The following DRC4 variants were observed in gnomAD, a reference collection of about 807,000 sequenced individuals.
The protein encoded by DRC4 is GAS-11.
the DRC4 span, chr16:90,037,369 A>C: frequency 5.0e-6 from 8 of 1,613,824 alleles, no homozygotes; most frequent in Non-Finnish European, 6.8e-6. Flanking sequence ...AACAGCTCGC[A>C]AACTACGAGA....
chr16:90,028,158 T>G, the DRC4 span, among the ~76,000 whole-genome samples: 1 of 149,562 alleles, frequency 6.7e-6, no homozygotes, highest in African/African-American at 2.5e-5. Context: ...CACATCTGAA[T>G]CTGATTAATC....
chr16:90,044,389 C>G, the DRC4 span: 1 of 417,118 alleles, frequency 2.4e-6, no homozygotes, highest in South Asian at 1.8e-5. Flanking sequence ...CTACCTGCCA[C>G]CGCCCAGGAC....
At chr16:90,044,796 T>C in the DRC4 span, 1 of 304,406 alleles carries the variant, frequency 3.3e-6, no homozygotes, top group South Asian at 2.7e-5. Context: ...GGGACACCAC[T>C]GCCCTGTCTT....
the DRC4 span, chr16:90,042,180 C>T: frequency 2.0e-5 from 10 of 492,810 alleles, no homozygotes; most frequent in South Asian, 1.1e-4. Flanking sequence ...AAGTGATCTG[C>T]CCTCCTTGGC....
chr16:90,044,918 T>G, the DRC4 span: 1 of 218,144 alleles, frequency 4.6e-6, no homozygotes, highest in Admixed American at 5.3e-5. Context: ...TCTCTATGCA[T>G]AAGTATATTT....
chr16:90,039,357 AGTT>A, the DRC4 span, among the ~76,000 whole-genome samples: 26 of 132,284 alleles, frequency 2.0e-4, no homozygotes, highest in Non-Finnish European at 4.0e-4. Context: ...AGACCAAGGC[AGTT>A]ATTTATTTAT....
chr16:90,020,324 A>G, the DRC4 span, among the ~76,000 whole-genome samples: 2 of 151,646 alleles, frequency 1.3e-5, no homozygotes, highest in Non-Finnish European at 2.9e-5. Context: ...AAAAGAAAAG[A>G]AAAGAAAAGA....
the DRC4 span, chr16:90,036,605 G>T: frequency 4.8e-5 from 74 of 1,555,632 alleles, 1 homozygote; most frequent in African/African-American, 7.8e-4. Flanking sequence ...CGTGGGCTGG[G>T]CTGGGGAGGC....
At chr16:90,031,272 C>G in the DRC4 span, 1 of 1,610,328 alleles carries the variant, frequency 6.2e-7, no homozygotes, top group Non-Finnish European at 8.5e-7. Context: ...TGCTCAGTGC[C>G]TCACCTGACC....
chr16:90,032,946 G>C, the DRC4 span: 1 of 1,603,008 alleles, frequency 6.2e-7, no homozygotes, highest in Non-Finnish European at 8.5e-7. Context: ...GGGGGCACCT[G>C]GAGGCTGACA....
the DRC4 span, among the ~76,000 whole-genome samples, chr16:90,023,549 C>T: frequency 2.0e-5 from 3 of 152,228 alleles, no homozygotes; most frequent in Non-Finnish European, 2.9e-5. Flanking sequence ...GCTGAACCTT[C>T]CTCCACTGCC....
the DRC4 span, chr16:90,031,365 C>T: frequency 1.2e-6 from 2 of 1,613,012 alleles, no homozygotes; most frequent in Admixed American, 1.7e-5. Context: ...AAACTACTTC[C>T]AGCTGGAGCG....
the DRC4 span, chr16:90,037,472 G>A: frequency 1.3e-6 from 2 of 1,506,028 alleles, no homozygotes; most frequent in African/African-American, 2.8e-5. Flanking sequence ...GAGCATCACA[G>A]GGAGGGGCTT....
the DRC4 span, among the ~76,000 whole-genome samples, chr16:90,041,503 T>C: frequency 6.6e-6 from 1 of 151,776 alleles, no homozygotes. Context: ...ACTACTTTTT[T>C]CTGTTACAAA....
At chr16:90,035,532 A>C in the DRC4 span, 149 of 1,476,704 alleles carry the variant, frequency 1.0e-4, no homozygotes, top group African/African-American at 1.8e-3. Flanking sequence ...GAGTTAGGGA[A>C]TATGGAGGTG....
chr16:90,025,747 C>CGTG, the DRC4 span, among the ~76,000 whole-genome samples: 1 of 147,990 alleles, frequency 6.8e-6, no homozygotes, highest in African/African-American at 2.5e-5. Flanking sequence ...ATTAGCCAGG[C>CGTG]GTGGTGGCGG....
At chr16:90,024,229 T>G in the DRC4 span, among the ~76,000 whole-genome samples, 1 of 152,164 alleles carries the variant, frequency 6.6e-6, no homozygotes, top group East Asian at 1.9e-4. Flanking sequence ...GAGAATTTCT[T>G]GAACCTGGAA....
the DRC4 span, chr16:90,043,747 C>T: frequency 2.1e-6 from 1 of 476,112 alleles, no homozygotes; most frequent in Non-Finnish European, 4.3e-6. Flanking sequence ...ACTTCATTGA[C>T]ACCTGAGTCA....
At chr16:90,034,710 G>C in the DRC4 span, among the ~76,000 whole-genome samples, 2 of 151,138 alleles carry the variant, frequency 1.3e-5, no homozygotes, top group Non-Finnish European at 2.9e-5. Context: ...TATAATAATT[G>C]TTCATTAAAA....
Sources: allele counts gnomAD v4.1 joint callset (sites outside exome capture counted in the v4.1 genomes callset), GRCh38; gene constraint gnomAD v4.1.1; transcripts MANE v1.5; gene names NCBI Gene and HGNC (gene_info 2026-07-23, HGNC 2026-07-21).